HCN4: variants seen among roughly 807,000 people sequenced by gnomAD.
HCN4 encodes potassium/sodium hyperpolarization-activated cyclic nucleotide-gated channel 4.
HCN4 carries 29 observed loss-of-function variants against 76.9 expected under a neutral mutation model. The observed-to-expected ratio is 0.38, with a 90% CI of 0.28 to 0.51. The LOEUF is 0.51. HCN4 is among the 20% of genes least tolerant of loss of function. The pLI, the probability that HCN4 is intolerant of heterozygous loss-of-function variation, is 0.90. For synonymous variants in HCN4, 772 were observed against 762.5 expected (o/e 1.01, Z -0.21); for missense variants, 1,416 against 1,715.2 (o/e 0.83, Z 3.08).
chr15:73,322,176 C>T lies in HCN4; in HGVS notation c.*305G>A. On this transcript the variant is annotated 3_prime_UTR_variant, in exon 8 of 8. Coordinates refer to ENST00000261917, the MANE Select transcript of HCN4 (RefSeq NM_005477.3). ...AACCGCCAACACTGGCCACTCCCAC[C>T]CCTGCCCAGCCCCGGAGACCCCATC... 2.6e-6 allele frequency: 1 copy of T among 384,868 alleles called. No individual in the cohort carries two copies. Among genetic ancestry groups the T allele is most frequent in the Non-Finnish European group, 4.9e-6 (1 of 202,468 alleles). The allele number at this position is 384,868 out of a possible 1,614,324, so 23.8% of individuals were successfully genotyped here. A position where few individuals can be genotyped will look rare whatever the true frequency, so the allele number is the denominator to read the frequency against.
chr15:73,333,085 T>C (rs1490654729), intron 2 of HCN4, among the ~76,000 whole-genome samples: 1 of 152,222 alleles, frequency 6.6e-6, no homozygotes, highest in Non-Finnish European at 1.5e-5. Context: ...ACAGCACCCT[T>C]GACCCCAGCC....
chr15:73,365,571 C>A (rs1421066039), intron 1 of HCN4, among the ~76,000 whole-genome samples: 1 of 152,144 alleles, frequency 6.6e-6, no homozygotes, highest in Non-Finnish European at 1.5e-5. Flanking sequence ...TGGGGTAAGA[C>A]CAGGAAGGGG....
chr15:73,332,855 G>C (rs1595824315), intron 2 of HCN4, among the ~76,000 whole-genome samples: 1 of 152,164 alleles, frequency 6.6e-6, no homozygotes, highest in Non-Finnish European at 1.5e-5. Context: ...TCCTAGCTGT[G>C]TAACCTTGAA....
At chr15:73,351,788 C>A (rs1167282752) in intron 1 of HCN4, among the ~76,000 whole-genome samples, 2 of 152,222 alleles carry the variant, frequency 1.3e-5, no homozygotes, top group African/African-American at 2.4e-5. Context: ...TCCCCAAGGC[C>A]TTTCCTGGCC....
rs1321465652 is a variant in HCN4, at chr15:73,328,146, C to T, written c.1590+1427G>A. Among the ~76,000 whole-genome samples, 1 of 152,060 alleles carries T rather than the reference C, an allele frequency of 6.6e-6. No homozygotes were observed. The highest frequency in any genetic ancestry group is 2.4e-5 in the African/African-American group (1 of 41,420). On this transcript the variant is annotated intron_variant, in intron 4 of 7. Transcript: ENST00000261917. This position sits in a 1 kb window ranked among gnomAD's most constrained non-coding sequence, Gnocchi z 4.0. ...AGTGTGGTGAAGGAGGAGAGGGTGC[C>T]ATGGGGTCACATGACAGGTGAGGGG... is the stretch of plus-strand genomic sequence containing the variant.
At position 73,368,024 on chromosome 15, in the gene HCN4, C is replaced by T. The variant is rs2043137577; in HGVS notation, c.247G>A (p.Gly83Ser). The change falls in exon 1 of 8, where the codon GGC becomes AGC. Residue 83 changes from glycine to serine, a missense_variant. Gly to Ser is a moderately conservative substitution (Grantham distance 56). Coordinates refer to ENST00000261917, the MANE Select transcript of HCN4 (RefSeq NM_005477.3). This position sits in a 1 kb window ranked among gnomAD's most constrained non-coding sequence, Gnocchi z 6.9. ...GAADSEGPAR[G>S]AGKSSTNGDC... ...CCGTTCGTGCTGGACTTGCCCGCGCCGCGGGCCGGCCCTTCGCTGTCCGCT... is the reference window on the plus strand; with the variant it reads ...CCGTTCGTGCTGGACTTGCCCGCGCTGCGGGCCGGCCCTTCGCTGTCCGCT... 4 of 1,422,130 alleles carry T rather than the reference C, an allele frequency of 2.8e-6. No individual in the cohort carries two copies. Among genetic ancestry groups the T allele is most frequent in the Non-Finnish European group, 3.7e-6 (4 of 1,095,130 alleles). 88.1% of individuals were successfully genotyped at this position (1,422,130 alleles called of 1,614,324 possible).
At position 73,343,624 on chromosome 15, in the gene HCN4, T is replaced by C. The variant is rs1199910423; in HGVS notation, c.970A>G (p.Thr324Ala). The C allele has an allele frequency of 1.2e-6, 2 of 1,614,042 alleles. No homozygotes were observed. The highest frequency in any genetic ancestry group is 1.7e-6 in the Non-Finnish European group (2 of 1,180,034). Residue 324 changes from threonine to alanine, a missense_variant, in exon 2 of 8, where the codon ACA (threonine) becomes GCA (alanine). Physicochemically the swap from Thr to Ala is moderately conservative, Grantham distance 58 (BLOSUM62 0). Transcript: ENST00000261917. This position sits in a 1 kb window ranked among gnomAD's most constrained non-coding sequence, Gnocchi z 5.7. Reference protein sequence around the residue: ...FRTGIVVEDNTEIILDPQRIK... With the variant: ...FRTGIVVEDNAEIILDPQRIK... The stretch of plus-strand genomic sequence containing the variant: ...CGCTGCGGGTCCAGGATGATCTCTG[T>C]GTTGTCCTCCACCACGATCCCTGTG...
intron 1 of HCN4, among the ~76,000 whole-genome samples, chr15:73,344,078 C>G (rs2043019751): frequency 1.3e-5 from 2 of 152,212 alleles, no homozygotes; most frequent in Admixed American, 6.5e-5. Flanking sequence ...CTCCCATCCC[C>G]AGCCCGCAGT....
chr15:73,339,443 G>C (rs560122753), intron 2 of HCN4, among the ~76,000 whole-genome samples: 27 of 152,328 alleles, frequency 1.8e-4, no homozygotes, highest in African/African-American at 6.3e-4. Flanking sequence ...GCAGCCTGGG[G>C]CAAGCTTTCC....
rs2151214754 is a variant in HCN4 at position 73,323,699 on chromosome 15, G to C, written c.2394C>G (p.His798Gln). The stretch of plus-strand genomic sequence containing the variant: ...GGAAGATGGCAGCAGGCAGGCGAGG[G>C]TGGTGGGTGAGGGCTATGGCCACAG... ...TTSVAIALTH[H>Q]PRLPAAIFRP... Residue 798 changes from histidine (H) to glutamine (Q), a missense_variant, in exon 8 of 8, where the codon CAC (histidine) becomes CAG (glutamine). Coordinates refer to ENST00000261917, the MANE Select transcript of HCN4 (RefSeq NM_005477.3). 1 of 1,596,608 alleles carries C rather than the reference G, an allele frequency of 6.3e-7. No individual in the cohort carries two copies.
rs750638846 is a variant in HCN4, at chr15:73,332,262, C to T, written c.1240G>A (p.Ala414Thr). Residue 414 changes from alanine (A) to threonine (T), a missense_variant, in exon 3 of 8, where the codon GCC becomes ACC. Coordinates refer to ENST00000261917, the MANE Select transcript of HCN4 (RefSeq NM_005477.3). ...IFHMTYDLAS[A>T]VVRIVNLIGM... ...ATGAGGTTCACGATGCGCACCACGG[C>T]GCTGGCCAGGTCGTAGGTCATGTGG... 3.1e-6 allele frequency: 5 copies of T among 1,614,204 alleles called. No individual in the cohort carries two copies. Among genetic ancestry groups the T allele is most frequent in the South Asian group, 1.1e-5 (1 of 91,088 alleles).
intron 1 of HCN4, among the ~76,000 whole-genome samples, chr15:73,354,994 A>G (rs1426431224): frequency 6.6e-6 from 1 of 152,242 alleles, no homozygotes; most frequent in Admixed American, 6.5e-5. Context: ...GGGTTGATGC[A>G]GAATCTCTGA....
rs1348881591 is a variant in HCN4, at chr15:73,328,171, G to T, written c.1590+1402C>A. Among the ~76,000 whole-genome samples, 4 of 152,132 alleles carry T rather than the reference G, an allele frequency of 2.6e-5. No homozygotes were observed. Among genetic ancestry groups the T allele is most frequent in the African/African-American group, 7.2e-5 (3 of 41,428 alleles). On this transcript the variant is annotated intron_variant, in intron 4 of 7. Coordinates refer to ENST00000261917, the MANE Select transcript of HCN4 (RefSeq NM_005477.3). This position sits in a 1 kb window ranked among gnomAD's most constrained non-coding sequence, Gnocchi z 4.0. ...CATGGGGTCACATGACAGGTGAGGG[G>T]CTGGCCAGGTCACAGACGGCTTCTC...
intron 3 of HCN4, among the ~76,000 whole-genome samples, chr15:73,330,674 C>G (rs546620237): frequency 4.6e-5 from 7 of 152,220 alleles, no homozygotes; most frequent in Admixed American, 3.9e-4. Context: ...CCCAGGCCCA[C>G]AGAGCACCTG....
intron 3 of HCN4, among the ~76,000 whole-genome samples, chr15:73,331,630 G>A (rs2042933219): frequency 6.6e-6 from 1 of 152,126 alleles, no homozygotes; most frequent in African/African-American, 2.4e-5. Context: ...ATTTGTTGAA[G>A]TCAGGGGTCT....
intron 1 of HCN4, among the ~76,000 whole-genome samples, chr15:73,362,895 C>A (rs78152326): frequency 0.078 from 11,852 of 152,292 alleles, 540 homozygotes; most frequent in Admixed American, 0.1. Flanking sequence ...TCTAGCCAGG[C>A]AGTATGGGGA....
chr15:73,344,671 C>G (rs541467845), intron 1 of HCN4, among the ~76,000 whole-genome samples: 6 of 152,200 alleles, frequency 3.9e-5, no homozygotes, highest in Non-Finnish European at 5.9e-5. Flanking sequence ...CCTCAGGCAC[C>G]TTCAAGTCGT....
Position 73,322,197 on chromosome 15 carries a change from C to A in HCN4, c.*284G>T. Reference sequence around the variant, plus strand: ...CCACCCCTGCCCAGCCCCGGAGACCCCATCTGCCTTTCTCTGGCTTTTGCA... The same window carrying A: ...CCACCCCTGCCCAGCCCCGGAGACCACATCTGCCTTTCTCTGGCTTTTGCA... On this transcript the variant is annotated 3_prime_UTR_variant, in exon 8 of 8. Transcript: ENST00000261917. 2.4e-6 allele frequency: 1 copy of A among 411,148 alleles called. No homozygotes were observed. The highest frequency in any genetic ancestry group is 2.2e-5 in the South Asian group (1 of 45,434). The allele number at this position is 411,148 out of a possible 1,614,324, so 25.5% of individuals were successfully genotyped here.
rs1376847040 is a variant in HCN4, at chr15:73,323,204, G to A, written c.2889C>T (p.Pro963=). 1 of 1,537,608 alleles carries A rather than the reference G, an allele frequency of 6.5e-7. No individual in the cohort carries two copies. Among genetic ancestry groups the A allele is most frequent in the African/African-American group, 1.4e-5 (1 of 73,200 alleles). ...GLPEHFLPPP[P]SSRSPSSSPG... is the part of the protein sequence containing the mutation. ...GGCTAGATGACGGGGATCTGGATGA[G>A]GGTGGGGGTGGCAGGAAGTGCTCCG... The change falls in exon 8 of 8, where the codon CCC becomes CCT. Residue 963 remains proline (P), a synonymous_variant. Coordinates refer to ENST00000261917, the MANE Select transcript of HCN4 (RefSeq NM_005477.3).
Sources: gnomAD v4.1 joint callset for allele counts (sites outside exome capture counted in the v4.1 genomes callset) on GRCh38, gnomAD v4.1.1 for gene constraint, Gnocchi (gnomAD v3.1) non-coding constraint, MANE v1.5 for transcripts, NCBI Gene and HGNC (gene_info 2026-07-23, HGNC 2026-07-21) for gene names.